CSMD1: variants seen among roughly 807,000 people sequenced by gnomAD.
The protein encoded by CSMD1 is CUB and Sushi multiple domains 1.
A neutral mutation model predicts 417.5 loss-of-function variants in CSMD1; 213 were observed. The observed-to-expected ratio is 0.51, with a 90% CI of 0.46 to 0.57. The LOEUF (loss-of-function observed/expected upper bound fraction) is 0.57, where lower values mean the gene tolerates loss of function less well. CSMD1 is among the 20% of genes least tolerant of loss of function. The pLI is 0.00. For missense variants in CSMD1, 6,923 were observed against 4,529.7 expected (o/e 1.53, Z -15.17); for synonymous variants, 2,862 against 1,736.8 (o/e 1.65, Z -16.11).
At chr8:3,060,567 T>C (rs970998490) in intron 49 of CSMD1, among the ~76,000 whole-genome samples, 5 of 152,180 alleles carry the variant, frequency 3.3e-5, no homozygotes, top group African/African-American at 4.8e-5. Context: ...ACAGGCATGA[T>C]TGTTGTAAGT....
At chr8:4,902,959 A>C (rs1355372116) in intron 1 of CSMD1, among the ~76,000 whole-genome samples, 7 of 142,748 alleles carry the variant, frequency 4.9e-5, no homozygotes, top group Non-Finnish European at 9.1e-5. Context: ...ATAATAATAA[A>C]CTTTGAATAC....
chr8:4,413,599 C>T (rs1047210449), intron 3 of CSMD1, among the ~76,000 whole-genome samples: 1 of 152,106 alleles, frequency 6.6e-6, no homozygotes, highest in South Asian at 2.1e-4. Context: ...ATTATGAGAT[C>T]TACCCTTATA....
intron 1 of CSMD1, among the ~76,000 whole-genome samples, chr8:4,835,217 G>C (rs1800405397): frequency 6.6e-6 from 1 of 152,054 alleles, no homozygotes; most frequent in Non-Finnish European, 1.5e-5. Flanking sequence ...TAGCGTCAGA[G>C]AGGAGATAAA....
intron 3 of CSMD1, among the ~76,000 whole-genome samples, chr8:4,200,988 C>A (rs17069389): frequency 6.6e-6 from 1 of 152,128 alleles, no homozygotes; most frequent in African/African-American, 2.4e-5. Context: ...TACTTTTTCT[C>A]CACAGCGCCG....
chr8:4,224,111 GT>G (rs1174761533), intron 3 of CSMD1, among the ~76,000 whole-genome samples: 1 of 152,058 alleles, frequency 6.6e-6, no homozygotes, highest in Non-Finnish European at 1.5e-5. Flanking sequence ...CAGGCTAAGA[GT>G]AACTGAACAT....
intron 3 of CSMD1, among the ~76,000 whole-genome samples, chr8:4,264,925 A>G (rs942564477): frequency 6.6e-6 from 1 of 152,226 alleles, no homozygotes; most frequent in African/African-American, 2.4e-5. Context: ...TCCCATTTCT[A>G]AACTTCTACT....
At chr8:3,453,219 T>C (rs1488840228) in intron 12 of CSMD1, among the ~76,000 whole-genome samples, 4 of 152,214 alleles carry the variant, frequency 2.6e-5, no homozygotes, top group African/African-American at 4.8e-5. Context: ...TTCTTTATAG[T>C]CTTGCTAGCA....
intron 5 of CSMD1, among the ~76,000 whole-genome samples, chr8:3,761,913 C>A (rs1366127824): frequency 6.6e-6 from 1 of 152,106 alleles, no homozygotes; most frequent in African/African-American, 2.4e-5. Context: ...CCCTCTGGCT[C>A]TCTTTTTTCT....
At chr8:2,939,171 T>A (rs529065823) in intron 69 of CSMD1, among the ~76,000 whole-genome samples, 1 of 152,118 alleles carries the variant, frequency 6.6e-6, no homozygotes, top group Non-Finnish European at 1.5e-5. Flanking sequence ...CTGAATCGGA[T>A]TGGTTTTGTT....
intron 7 of CSMD1, among the ~76,000 whole-genome samples, chr8:3,644,996 A>G (rs913975887): frequency 6.8e-6 from 1 of 146,612 alleles, no homozygotes; most frequent in South Asian, 2.1e-4. Flanking sequence ...AAAAAAGTCA[A>G]TTGTTCTTTC....
At chr8:3,809,986 A>G (rs545254470) in intron 5 of CSMD1, among the ~76,000 whole-genome samples, 7 of 152,182 alleles carry the variant, frequency 4.6e-5, no homozygotes, top group Non-Finnish European at 1.0e-4. Context: ...GCAGGCCAAA[A>G]TAGACACCAG....
chr8:4,623,146 A>G (rs1401316165), intron 2 of CSMD1, among the ~76,000 whole-genome samples: 2 of 152,138 alleles, frequency 1.3e-5, no homozygotes, highest in East Asian at 3.8e-4. Flanking sequence ...GATAACTCAA[A>G]GGGAAGACAA....
chr8:4,455,504 TTG>T (rs1355856805), intron 2 of CSMD1, among the ~76,000 whole-genome samples: 1 of 152,158 alleles, frequency 6.6e-6, no homozygotes, highest in Non-Finnish European at 1.5e-5. Context: ...TGGTTTCCAT[TTG>T]TCTCTGCAGC....
chr8:4,327,971 C>T (rs1799651981), intron 3 of CSMD1, among the ~76,000 whole-genome samples: 2 of 152,136 alleles, frequency 1.3e-5, no homozygotes, highest in Non-Finnish European at 1.5e-5. Flanking sequence ...GAATGAAATT[C>T]TTGTTTTAAC....
chr8:4,356,800 C>A (rs1053922163), intron 3 of CSMD1, among the ~76,000 whole-genome samples: 13 of 152,182 alleles, frequency 8.5e-5, no homozygotes, highest in African/African-American at 3.1e-4. Context: ...GCAGGCCCAG[C>A]CCCTGACCGA....
intron 2 of CSMD1, among the ~76,000 whole-genome samples, chr8:4,590,214 G>T (rs1003680603): frequency 3.3e-5 from 5 of 152,080 alleles, no homozygotes; most frequent in African/African-American, 9.6e-5. Flanking sequence ...CTCATCTGTG[G>T]TATGTGTTAC....
chr8:4,954,812 T>C (rs181003271), intron 1 of CSMD1, among the ~76,000 whole-genome samples: 1 of 152,196 alleles, frequency 6.6e-6, no homozygotes, highest in East Asian at 1.9e-4. Context: ...AAGAAAAAAA[T>C]TCTCATTTTC....
intron 48 of CSMD1, 57 bp from the exon 49 acceptor site, chr8:3,087,342 C>A: frequency 2.6e-6 from 4 of 1,550,786 alleles, no homozygotes; most frequent in Non-Finnish European, 3.6e-6. Context: ...ATGGCCAGTG[C>A]CATTGCCTTT....
At position 3,135,894 on chromosome 8, in the gene CSMD1, T is replaced by A. The variant is rs150114159; in HGVS notation, c.6241+6571A>T. The stretch of plus-strand genomic sequence containing the variant: ...GTATGGTTAGATTGGGGACATATCA[T>A]CCATGTGTATTAGGGCAGAAAAAGC... On this transcript the variant is annotated intron_variant, in intron 41 of 69. Coordinates refer to ENST00000635120, the MANE Select transcript of CSMD1 (RefSeq NM_033225.6). 8.5e-3 allele frequency among the ~76,000 whole-genome samples: 1,294 copies of A among 152,126 alleles called. 7 individuals carry two copies. Among genetic ancestry groups the A allele is most frequent in the Middle Eastern group, 0.017 (5 of 294 alleles).
Sources: gnomAD v4.1 joint callset for allele counts (sites outside exome capture counted in the v4.1 genomes callset) on GRCh38, gnomAD v4.1.1 for gene constraint, MANE v1.5 for transcripts, NCBI Gene and HGNC (gene_info 2026-07-23, HGNC 2026-07-21) for gene names.